The following OXR1 variants were observed in gnomAD, a reference collection of about 807,000 sequenced individuals.
OXR1 encodes oxidation resistance 1.
OXR1 carries 41 observed loss-of-function variants against 104.6 expected under a neutral mutation model. The observed-to-expected ratio is 0.39, with a 90% CI of 0.31 to 0.51. OXR1 has a LOEUF of 0.51. Ranked by LOEUF, OXR1 falls within the 20% of genes least tolerant of loss-of-function variation. OXR1 has a pLI of 0.77. For missense variants in OXR1, 955 were observed against 1,031.9 expected (o/e 0.93, Z 1.02); for synonymous variants, 348 against 348.4 (o/e 1.00, Z 0.01).
At chr8:106,729,352 G>T (rs995613488) in intron 11 of OXR1, among the ~76,000 whole-genome samples, 2 of 151,970 alleles carry the variant, frequency 1.3e-5, no homozygotes, top group Non-Finnish European at 2.9e-5. Flanking sequence ...AAGAGGAAGA[G>T]AATTATTTAT....
rs1231987624 is a variant in OXR1 at position 106,418,308 on chromosome 8, A to C, written c.23+58672A>C. Among the ~76,000 whole-genome samples, 6 of 152,002 alleles carry C rather than the reference A, an allele frequency of 3.9e-5. No individual in the cohort carries two copies. In the South Asian group the frequency reaches 8.3e-4, roughly 21 times the overall value. ...TCTAAAGATAAGCTATAAAAGATTC[A>C]TTTGCAAGTATACTAATATGTTTGT... On this transcript the variant is annotated intron_variant, in intron 2 of 16. Coordinates refer to ENST00000517566, the MANE Select transcript of OXR1 (RefSeq NM_001198533.2).
chr8:106,636,739 A>G (rs1563659281), intron 3 of OXR1, among the ~76,000 whole-genome samples: 3 of 100,550 alleles, frequency 3.0e-5, no homozygotes, highest in Admixed American at 2.7e-4. Context: ...TAGGAGGAAT[A>G]AATGAGTAGA....
chr8:106,440,150 C>A (rs764042993), intron 2 of OXR1, among the ~76,000 whole-genome samples: 1 of 152,082 alleles, frequency 6.6e-6, no homozygotes, highest in Non-Finnish European at 1.5e-5. Flanking sequence ...AGGTGGACAG[C>A]AGTTTTAGAA....
intron 3 of OXR1, chr8:106,580,979 TG>T (rs1818181900): frequency 9.9e-7 from 1 of 1,014,322 alleles, no homozygotes; most frequent in African/African-American, 1.7e-5. Flanking sequence ...TCCTCATTCT[TG>T]TGGCTACCAC....
chr8:106,277,484 A>G (rs1445428956), intron 1 of OXR1, among the ~76,000 whole-genome samples: 1 of 152,164 alleles, frequency 6.6e-6, no homozygotes, highest in African/African-American at 2.4e-5. Flanking sequence ...TTATGCTTGA[A>G]TTAGTTCCAA....
intron 3 of OXR1, among the ~76,000 whole-genome samples, chr8:106,572,210 A>G (rs778969574): frequency 2.0e-5 from 3 of 152,182 alleles, no homozygotes; most frequent in Non-Finnish European, 4.4e-5. Context: ...CATCCTATAG[A>G]TTCCAAAAAG....
intron 1 of OXR1, among the ~76,000 whole-genome samples, chr8:106,317,386 C>G (rs959746910): frequency 6.6e-5 from 10 of 151,966 alleles, no homozygotes; most frequent in African/African-American, 2.4e-4. Flanking sequence ...CAAACAGTAG[C>G]CCCCATTTTC....
At chr8:106,548,495 T>C (rs891837409) in intron 3 of OXR1, among the ~76,000 whole-genome samples, 4 of 152,206 alleles carry the variant, frequency 2.6e-5, no homozygotes, top group Admixed American at 1.3e-4. Flanking sequence ...AAGAAAATTA[T>C]AAGGCTATAG....
intron 3 of OXR1, among the ~76,000 whole-genome samples, chr8:106,549,230 C>A: frequency 6.9e-6 from 1 of 145,738 alleles, no homozygotes; most frequent in African/African-American, 2.5e-5. Context: ...TTTCCCATCA[C>A]AAACATATCA....
intron 6 of OXR1, among the ~76,000 whole-genome samples, chr8:106,692,382 AGT>A (rs970945319): frequency 3.3e-5 from 5 of 151,996 alleles, no homozygotes; most frequent in Middle Eastern, 6.8e-3. Context: ...GGAGCATCTG[AGT>A]GTGTGTGCAC....
chr8:106,363,983 C>T (rs1278175488), intron 2 of OXR1, among the ~76,000 whole-genome samples: 1 of 152,018 alleles, frequency 6.6e-6, no homozygotes, highest in Non-Finnish European at 1.5e-5. Context: ...TATGCTCACC[C>T]TTTTCCCAGA....
At chr8:106,405,239 G>A (rs35626088) in intron 2 of OXR1, among the ~76,000 whole-genome samples, 16,433 of 133,056 alleles carry the variant, frequency 0.12, 1,704 homozygotes, top group East Asian at 0.43. Flanking sequence ...GTGTGTGTGT[G>A]TATAGGCTCA....
chr8:106,292,673 A>G lies in OXR1; in HGVS notation c.-139+22306A>G, dbSNP rs370371117. Among the ~76,000 whole-genome samples the G allele has an allele frequency of 1.7e-4, 26 of 152,300 alleles. No individual in the cohort carries two copies. In the East Asian group the frequency reaches 4.8e-3, roughly 28 times the overall value. ...GATAATGTGATAAAGCATGACAAGCATGAGGGTTGGTGAGCAGTAATAGAA... is the reference window on the plus strand; with the variant it reads ...GATAATGTGATAAAGCATGACAAGCGTGAGGGTTGGTGAGCAGTAATAGAA... On this transcript the variant is annotated intron_variant, in intron 1 of 16. Transcript: ENST00000517566.
Position 106,358,183 on chromosome 8 carries a change from A to G in OXR1, c.-138-1293A>G, listed in dbSNP as rs150043488. Among the ~76,000 whole-genome samples, 6 of 152,296 alleles carry G rather than the reference A, an allele frequency of 3.9e-5. No individual in the cohort carries two copies. In the East Asian group the frequency reaches 5.8e-4, roughly 15 times the overall value. On this transcript the variant is annotated intron_variant, in intron 1 of 16. Transcript: ENST00000517566. ...CCTCTTGGACCACGAAGGCAAACAC[A>G]TGATTGAGAAGGGTGGACTACAAGA...
intron 1 of OXR1, among the ~76,000 whole-genome samples, chr8:106,283,274 A>G (rs578026924): frequency 3.3e-4 from 50 of 152,224 alleles, no homozygotes; most frequent in Non-Finnish European, 6.9e-4. Flanking sequence ...AGTGCCATGT[A>G]CAACCCATTG....
chr8:106,299,808 T>C (rs544188714), intron 1 of OXR1, among the ~76,000 whole-genome samples: 6 of 149,898 alleles, frequency 4.0e-5, no homozygotes, highest in Non-Finnish European at 7.4e-5. Context: ...ATTTAAGGCC[T>C]GAAGTAAATA....
At chr8:106,472,252 T>C (rs1277198993) in intron 2 of OXR1, among the ~76,000 whole-genome samples, 2 of 151,820 alleles carry the variant, frequency 1.3e-5, no homozygotes, top group Non-Finnish European at 2.9e-5. Context: ...CAAAAAGTAG[T>C]AATATGTTAT....
intron 3 of OXR1, among the ~76,000 whole-genome samples, chr8:106,578,312 T>C (rs912763898): frequency 1.3e-5 from 2 of 152,186 alleles, no homozygotes; most frequent in Non-Finnish European, 2.9e-5. Context: ...TGTCATCAAC[T>C]TGATACCTCC....
chr8:106,678,335 G>A (rs1827807282), intron 3 of OXR1, among the ~76,000 whole-genome samples: 1 of 151,940 alleles, frequency 6.6e-6, no homozygotes, highest in Non-Finnish European at 1.5e-5. Flanking sequence ...ATGGTCTTAG[G>A]TTGAACCATA....
Sources: gnomAD v4.1 joint callset for allele counts (sites outside exome capture counted in the v4.1 genomes callset) on GRCh38, gnomAD v4.1.1 for gene constraint, MANE v1.5 for transcripts, NCBI Gene and HGNC (gene_info 2026-07-23, HGNC 2026-07-21) for gene names.